Variants in CORO7 observed in about 807,000 individuals in gnomAD.
The protein encoded by CORO7 is coronin-7.
Under a neutral mutation model 126.6 loss-of-function variants are expected in CORO7, and 107 were observed. That is an observed-to-expected ratio of 0.85 (90% CI 0.72 to 0.99). The LOEUF (loss-of-function observed/expected upper bound fraction) is 0.99, where lower values mean the gene tolerates loss of function less well. CORO7 is among the 50% of genes least tolerant of loss of function. The probability of loss-of-function intolerance (pLI) is 0.00; values close to 1 mark genes in which losing one functional copy is unlikely to be tolerated. For missense variants in CORO7, 1,314 were observed against 1,255.8 expected (o/e 1.05, Z -0.70); for synonymous variants, 603 against 536.8 (o/e 1.12, Z -1.70).
intron 3 of CORO7, among the ~76,000 whole-genome samples, chr16:4,410,493 T>C (rs532448162): frequency 4.6e-5 from 7 of 152,136 alleles, no homozygotes; most frequent in Non-Finnish European, 8.8e-5. Flanking sequence ...GCCATAACAA[T>C]GGGTAAGTTC....
At chr16:4,360,606 C>T in intron 19 of CORO7, 58 bp from the exon 20 acceptor site, 2 of 1,539,056 alleles carry the variant, frequency 1.3e-6, no homozygotes, top group South Asian at 1.2e-5. Context: ...CCCACCTCTC[C>T]CCACTGCTCC....
chr16:4,385,946 G>A (rs567751289), intron 9 of CORO7, among the ~76,000 whole-genome samples: 3 of 152,344 alleles, frequency 2.0e-5, no homozygotes, highest in Admixed American at 6.5e-5. Context: ...CCCATTAGCC[G>A]TGCCCACAGA....
intron 25 of CORO7, chr16:4,357,752 CGT>C (rs143712921): frequency 0.013 from 8,244 of 655,152 alleles, no homozygotes; most frequent in South Asian, 0.018. Flanking sequence ...ACAGTGTGTG[CGT>C]GTGTGTGTGT....
At chr16:4,364,232 C>T (rs1176937311) in intron 14 of CORO7, 44 bp downstream of exon 14, 1 of 1,496,014 alleles carries the variant, frequency 6.7e-7, no homozygotes, top group African/African-American at 1.4e-5. Context: ...AGGGCAGCCA[C>T]TGCAGTGTCG....
At chr16:4,382,980 G>C in intron 9 of CORO7, 5 of 1,398,830 alleles carry the variant, frequency 3.6e-6, no homozygotes, top group South Asian at 3.0e-5. Flanking sequence ...CACCACGTAA[G>C]TTCTCAGTCC....
chr16:4,402,268 T>G (rs994601296), intron 6 of CORO7, among the ~76,000 whole-genome samples: 6 of 148,320 alleles, frequency 4.0e-5, no homozygotes, highest in South Asian at 2.1e-4. Context: ...TGTTGTTGTT[T>G]TTTAAGAGAG....
intron 7 of CORO7, among the ~76,000 whole-genome samples, chr16:4,392,526 C>T (rs4786488): frequency 0.56 from 85,191 of 152,076 alleles, 27,951 homozygotes; most frequent in East Asian, 0.77. Context: ...CAGTGGAGGG[C>T]GGACTCCCTG....
intron 9 of CORO7, among the ~76,000 whole-genome samples, chr16:4,376,067 A>C (rs1343588435): frequency 6.6e-6 from 1 of 152,162 alleles, no homozygotes; most frequent in Non-Finnish European, 1.5e-5. Context: ...ACCCCCGCTC[A>C]ATCACCAGCC....
At chr16:4,399,222 A>G (rs993812476) in intron 6 of CORO7, among the ~76,000 whole-genome samples, 1 of 152,248 alleles carries the variant, frequency 6.6e-6, no homozygotes, top group Non-Finnish European at 1.5e-5. Flanking sequence ...ATAGCCAAGA[A>G]GTGGAAACAA....
In CORO7 at chr16:4,361,184, G is replaced by C. The variant is rs761450493; in HGVS notation, c.1752C>G (p.Thr584=). Residue 584 remains threonine (T), a synonymous_variant, in exon 18 of 28, where the codon ACC becomes ACG. Transcript: ENST00000251166. ...VPAEGLEEVL[T]TPETVLTGHT... ...GACCTGTGAGCACAGTCTCTGGCGTGGTGAGCACCTCTTCCAGGCCCTCTG... is the reference window on the plus strand; with the variant it reads ...GACCTGTGAGCACAGTCTCTGGCGTCGTGAGCACCTCTTCCAGGCCCTCTG... 1 of 1,612,788 alleles carries C rather than the reference G, an allele frequency of 6.2e-7. No individual in the cohort carries two copies.
intron 9 of CORO7, among the ~76,000 whole-genome samples, chr16:4,373,914 G>A (rs2141222229): frequency 6.6e-6 from 1 of 152,242 alleles, no homozygotes; most frequent in South Asian, 2.1e-4. Context: ...GAGCTCATGG[G>A]AGGGCAGCAA....
At chr16:4,360,851 T>A in intron 19 of CORO7, 92 bp downstream of exon 19, 3 of 1,505,186 alleles carry the variant, frequency 2.0e-6, no homozygotes, top group Non-Finnish European at 2.7e-6. Context: ...TCCTCACTGC[T>A]GGCCCCGCCA....
At chr16:4,381,397 C>T in intron 9 of CORO7, 1 of 1,587,846 alleles carries the variant, frequency 6.3e-7, no homozygotes. Flanking sequence ...CCTGCTGCTG[C>T]TGGACCTCAG....
At position 4,362,195 on chromosome 16, in the gene CORO7, G is replaced by C; in HGVS notation, c.1403-35C>G. On this transcript the variant is annotated intron_variant, in intron 15 of 27. Coordinates refer to ENST00000251166, the MANE Select transcript of CORO7 (RefSeq NM_024535.5). The surrounding 1 kb of genome is among the most constrained non-coding windows in gnomAD (Gnocchi z 5.3). ...GGCAGGGACATGGAACCACGTGTGA[G>C]GATGCCGTCCCCGCCCGCCCTGCAC... 6.3e-7 allele frequency: 1 copy of C among 1,589,030 alleles called. No individual in the cohort carries two copies. The highest frequency in any genetic ancestry group is 1.3e-5 in the African/African-American group (1 of 74,150).
At chr16:4,381,271 G>A (rs748548969) in intron 9 of CORO7, 2 of 1,611,764 alleles carry the variant, frequency 1.2e-6, no homozygotes, top group East Asian at 2.2e-5. Flanking sequence ...CCTCTACCTG[G>A]GCAAGAACCG....
intron 2 of CORO7, 98 bp from the exon 3 acceptor site, chr16:4,412,528 G>C: frequency 1.5e-6 from 2 of 1,291,708 alleles, no homozygotes; most frequent in South Asian, 1.3e-5. Flanking sequence ...GCTCAGCCTC[G>C]GACCTTCCCA....
chr16:4,365,757 C>G (rs1488720074), intron 9 of CORO7, among the ~76,000 whole-genome samples: 1 of 152,138 alleles, frequency 6.6e-6, no homozygotes, highest in Non-Finnish European at 1.5e-5. Flanking sequence ...TCCCCAGGGC[C>G]TCCACCTGCA....
Position 4,359,412 on chromosome 16 carries a change from C to A in CORO7, c.2251-27G>T, listed in dbSNP as rs771575935. 43 of 1,597,968 alleles carry A rather than the reference C, an allele frequency of 2.7e-5. No individual in the cohort carries two copies. In the Admixed American group the frequency reaches 5.8e-4, roughly 22 times the overall value. ...TGCGGGGAAGAAGGCAGGCTGGGAA[C>A]CCTCCGGCAACACTGGCCTTCCCCC... On this transcript the variant is annotated intron_variant, in intron 22 of 27. Transcript: ENST00000251166.
At chr16:4,409,394 T>C (rs1303891610) in intron 3 of CORO7, among the ~76,000 whole-genome samples, 1 of 152,150 alleles carries the variant, frequency 6.6e-6, no homozygotes, top group Non-Finnish European at 1.5e-5. Flanking sequence ...TGGGCAGGTG[T>C]AGCAGCTGGC....
Sources: allele counts gnomAD v4.1 joint callset (sites outside exome capture counted in the v4.1 genomes callset), GRCh38; gene constraint gnomAD v4.1.1; non-coding constraint Gnocchi (gnomAD v3.1); transcripts MANE v1.5; gene names NCBI Gene and HGNC (gene_info 2026-07-23, HGNC 2026-07-21).